Variants in METTL16 observed in about 807,000 individuals in gnomAD.
METTL16 encodes RNA N(6)-adenosine-methyltransferase METTL16.
Under a neutral mutation model 57.9 loss-of-function variants are expected in METTL16, and 19 were observed. The ratio of observed to expected loss-of-function variants is 0.33; its 90% confidence interval spans 0.23 to 0.48. The LOEUF is 0.48. Among genes scored for constraint, METTL16 ranks in the 20% least tolerant of loss-of-function variants. The pLI is 0.99. For synonymous variants in METTL16, 246 were observed against 255.6 expected (o/e 0.96, Z 0.36); for missense variants, 434 against 691.5 (o/e 0.63, Z 4.18).
intron 2 of METTL16, among the ~76,000 whole-genome samples, chr17:2,483,049 G>T (rs2067318302): frequency 6.7e-6 from 1 of 148,788 alleles, no homozygotes; most frequent in South Asian, 2.1e-4. Context: ...CAAGAACAAA[G>T]CATGATATAA....
chr17:2,439,821 C>T (rs2066934109), intron 7 of METTL16, among the ~76,000 whole-genome samples: 1 of 151,928 alleles, frequency 6.6e-6, no homozygotes, highest in African/African-American at 2.4e-5. Flanking sequence ...AAATATAAAA[C>T]TTAGAAAACA....
intron 2 of METTL16, among the ~76,000 whole-genome samples, chr17:2,485,305 G>C (rs1269178537): frequency 1.3e-5 from 2 of 152,020 alleles, no homozygotes; most frequent in African/African-American, 4.8e-5. Context: ...AACAAGCTGC[G>C]GGAAAACAAG....
chr17:2,480,525 A>G (rs1209931365), intron 2 of METTL16, among the ~76,000 whole-genome samples: 2 of 152,168 alleles, frequency 1.3e-5, no homozygotes, highest in African/African-American at 4.8e-5. Flanking sequence ...AGAGTGCCAG[A>G]CCTTGGTTTC....
intron 8 of METTL16, among the ~76,000 whole-genome samples, chr17:2,427,072 G>A (rs975169001): frequency 6.6e-6 from 1 of 152,158 alleles, no homozygotes; most frequent in East Asian, 1.9e-4. Flanking sequence ...CTTGAACCCA[G>A]GAGGCAGGGC....
chr17:2,434,052 TATC>T (rs2066893525), intron 8 of METTL16, among the ~76,000 whole-genome samples: 1 of 152,220 alleles, frequency 6.6e-6, no homozygotes, highest in Non-Finnish European at 1.5e-5. Flanking sequence ...CTGATTTGTT[TATC>T]ATCACAATGA....
chr17:2,473,740 T>C, intron 3 of METTL16, 76 bp from the exon 4 acceptor site: 2 of 1,450,350 alleles, frequency 1.4e-6, no homozygotes, highest in East Asian at 4.9e-5. Context: ...ACACCATTCT[T>C]CTCAGAATTC....
intron 6 of METTL16, among the ~76,000 whole-genome samples, chr17:2,461,326 A>G (rs1473547375): frequency 6.6e-6 from 1 of 152,040 alleles, no homozygotes; most frequent in Non-Finnish European, 1.5e-5. Flanking sequence ...ACCCTAGTGC[A>G]TGCACTCCAG....
At chr17:2,466,842 A>T (rs1474927142) in intron 5 of METTL16, among the ~76,000 whole-genome samples, 4 of 149,892 alleles carry the variant, frequency 2.7e-5, no homozygotes, top group Admixed American at 2.0e-4. Context: ...AGACAGGGTT[A>T]CCGAGGCTGG....
intron 2 of METTL16, among the ~76,000 whole-genome samples, chr17:2,492,018 T>C (rs1380310239): frequency 2.0e-5 from 3 of 151,376 alleles, no homozygotes; most frequent in African/African-American, 7.3e-5. Flanking sequence ...GAGACCATCC[T>C]GGCTAACACG....
At chr17:2,426,905 C>T (rs1033912630) in intron 8 of METTL16, among the ~76,000 whole-genome samples, 1 of 151,168 alleles carries the variant, frequency 6.6e-6, no homozygotes, top group Non-Finnish European at 1.5e-5. Context: ...GAGGCCAAGG[C>T]AGGCAGATCA....
intron 4 of METTL16, among the ~76,000 whole-genome samples, chr17:2,473,031 T>A (rs1242264632): frequency 1.3e-5 from 2 of 152,080 alleles, no homozygotes; most frequent in East Asian, 3.9e-4. Context: ...GTTCATCACC[T>A]GTAACAAATA....
intron 8 of METTL16, among the ~76,000 whole-genome samples, chr17:2,423,109 G>A (rs1024274228): frequency 2.6e-5 from 4 of 152,292 alleles, no homozygotes; most frequent in Admixed American, 6.5e-5. Context: ...CACTGACAGC[G>A]CACACGCACA....
intron 2 of METTL16, among the ~76,000 whole-genome samples, chr17:2,499,171 G>C (rs1182400171): frequency 6.6e-6 from 1 of 151,450 alleles, no homozygotes; most frequent in African/African-American, 2.4e-5. Context: ...TTCCCCACTA[G>C]TGTATAAACT....
intron 6 of METTL16, among the ~76,000 whole-genome samples, chr17:2,442,176 A>G (rs993275711): frequency 2.0e-5 from 3 of 152,250 alleles, no homozygotes; most frequent in Non-Finnish European, 4.4e-5. Context: ...CCCATGAAAG[A>G]TTAGTTACTA....
At chr17:2,491,854 G>A (rs180810036) in intron 2 of METTL16, among the ~76,000 whole-genome samples, 1,226 of 121,862 alleles carry the variant, frequency 0.01, 14 homozygotes, top group Middle Eastern at 0.031. Flanking sequence ...CAGCCTGGGC[G>A]ACAGAGCGAG....
chr17:2,498,185 C>CT (rs937650733), intron 2 of METTL16, among the ~76,000 whole-genome samples: 2 of 144,022 alleles, frequency 1.4e-5, no homozygotes, highest in African/African-American at 5.3e-5. Context: ...CAGAGTAAGA[C>CT]TCCATCTCAA....
intron 2 of METTL16, among the ~76,000 whole-genome samples, chr17:2,497,387 A>ACTG (rs2077872276): frequency 7.6e-6 from 1 of 131,676 alleles, no homozygotes; most frequent in Non-Finnish European, 1.5e-5. Flanking sequence ...ATCTCAGCTC[A>ACTG]CTGCAACCTC....
chr17:2,509,603 G>C (rs1041997994), intron 1 of METTL16, among the ~76,000 whole-genome samples: 8 of 152,090 alleles, frequency 5.3e-5, no homozygotes, highest in African/African-American at 1.7e-4. Context: ...CAAAATTAAA[G>C]TGTTGGCCGG....
At chr17:2,431,155 C>T (rs576390663) in intron 8 of METTL16, among the ~76,000 whole-genome samples, 2 of 152,206 alleles carry the variant, frequency 1.3e-5, no homozygotes, top group African/African-American at 4.8e-5. Flanking sequence ...CTATGTTGGC[C>T]AGGCTGGTCT....
Sources: gnomAD v4.1 joint callset for allele counts (sites outside exome capture counted in the v4.1 genomes callset) on GRCh38, gnomAD v4.1.1 for gene constraint, MANE v1.5 for transcripts, NCBI Gene and HGNC (gene_info 2026-07-23, HGNC 2026-07-21) for gene names.